Variants in SLC25A21 observed in about 807,000 individuals in gnomAD.
SLC25A21 encodes the protein mitochondrial 2-oxodicarboxylate carrier.
In SLC25A21, 47 loss-of-function variants were observed where a neutral mutation model predicts 43.8. The ratio of observed to expected loss-of-function variants is 1.07; its 90% CI spans 0.85 to 1.37. SLC25A21 has a LOEUF of 1.37. Ranked by LOEUF, SLC25A21 falls within the 40% of genes most tolerant of loss-of-function variation. SLC25A21 has a pLI of 0.00. For missense variants in SLC25A21, 352 were observed against 350.2 expected, an observed-to-expected ratio of 1.00 and a Z score of -0.04; for synonymous variants, 131 against 121.3, an observed-to-expected ratio of 1.08 and a Z score of -0.52.
intron 7 of SLC25A21, among the ~76,000 whole-genome samples, chr14:36,695,288 G>A (rs1227603213): frequency 2.6e-5 from 4 of 152,202 alleles, no homozygotes; most frequent in African/African-American, 9.7e-5. Context: ...TTTGGTACCA[G>A]TACCATGCTG....
At chr14:36,919,798 A>G in intron 1 of SLC25A21, among the ~76,000 whole-genome samples, 1 of 152,014 alleles carries the variant, frequency 6.6e-6, no homozygotes, top group East Asian at 1.9e-4. Flanking sequence ...TTGCAATCAA[A>G]ATGTTTCCTT....
chr14:37,141,119 T>C (rs1040445654), intron 1 of SLC25A21, among the ~76,000 whole-genome samples: 1 of 152,088 alleles, frequency 6.6e-6, no homozygotes, highest in African/African-American at 2.4e-5. Context: ...CACTCCAGCC[T>C]GGGTGACAGA....
At chr14:36,937,420 A>G (rs1366252172) in intron 1 of SLC25A21, among the ~76,000 whole-genome samples, 1 of 152,200 alleles carries the variant, frequency 6.6e-6, no homozygotes, top group African/African-American at 2.4e-5. Context: ...AGTGACTGGA[A>G]CAGCCTTTTT....
intron 1 of SLC25A21, among the ~76,000 whole-genome samples, chr14:36,924,318 C>G (rs965494799): frequency 7.1e-4 from 108 of 152,260 alleles, no homozygotes; most frequent in African/African-American, 2.5e-3. Context: ...AAATGTGGCA[C>G]ATATACACCA....
At position 37,160,387 on chromosome 14, in the gene SLC25A21, TA is replaced by T. The variant is rs371191337; in HGVS notation, c.70+11893del. Among the ~76,000 whole-genome samples, 5 of 152,138 alleles carry T rather than the reference TA, an allele frequency of 3.3e-5. No homozygotes were observed. The South Asian group carries it at 6.2e-4, about 19-fold the overall frequency. ...AGACAATGAAATACTATTTGGCCAT[TA>T]AAAAATACTAAAATCATGTCATTTG... is the stretch of plus-strand genomic sequence containing the variant. On this transcript the variant is annotated intron_variant, in intron 1 of 9. Transcript: ENST00000331299.
chr14:37,096,571 T>C (rs1365425288), intron 1 of SLC25A21, among the ~76,000 whole-genome samples: 2 of 152,148 alleles, frequency 1.3e-5, no homozygotes, highest in East Asian at 1.9e-4. Flanking sequence ...ATTTCTTTTT[T>C]CTCCTCTGTG....
At chr14:37,152,757 C>G (rs564955584) in intron 1 of SLC25A21, among the ~76,000 whole-genome samples, 172 of 151,872 alleles carry the variant, frequency 1.1e-3, no homozygotes, top group Non-Finnish European at 2.2e-3. Context: ...CTGTGTAAAG[C>G]AAAAAACTTA....
intron 3 of SLC25A21, among the ~76,000 whole-genome samples, chr14:36,782,113 G>T (rs1594583045): frequency 6.6e-6 from 1 of 152,146 alleles, no homozygotes; most frequent in East Asian, 1.9e-4. Context: ...TCTAATGAGG[G>T]TTCCCTTGTA....
At chr14:36,965,743 A>C (rs1162926525) in intron 1 of SLC25A21, among the ~76,000 whole-genome samples, 1 of 152,186 alleles carries the variant, frequency 6.6e-6, no homozygotes, top group Non-Finnish European at 1.5e-5. Context: ...ATTCTCATTA[A>C]GTTATGACAA....
intron 6 of SLC25A21, among the ~76,000 whole-genome samples, chr14:36,714,442 C>T (rs1037968963): frequency 6.6e-6 from 1 of 152,186 alleles, no homozygotes; most frequent in African/African-American, 2.4e-5. Flanking sequence ...CACCCAGGAG[C>T]TTTCCTCTCT....
In SLC25A21 at chr14:36,865,192, T is replaced by C. The variant is rs573827015; in HGVS notation, c.119+9764A>G. 1.4e-4 allele frequency among the ~76,000 whole-genome samples: 22 copies of C among 152,178 alleles called. No individual in the cohort carries two copies. The East Asian group carries it at 3.9e-3, about 27-fold the overall frequency. On this transcript the variant is annotated intron_variant, in intron 2 of 9. Coordinates refer to ENST00000331299, the MANE Select transcript of SLC25A21 (RefSeq NM_030631.4). The stretch of plus-strand genomic sequence containing the variant: ...CCTCCCTGCTAGAGGAGGCAGTGGA[T>C]ACTTCACAGACCCTGGCTTCACACT...
At chr14:36,792,611 A>G (rs1452977761) in intron 3 of SLC25A21, among the ~76,000 whole-genome samples, 1 of 152,186 alleles carries the variant, frequency 6.6e-6, no homozygotes, top group Non-Finnish European at 1.5e-5. Context: ...CCATCTAGCT[A>G]ATGACTCCCT....
chr14:37,070,523 T>C (rs1051569694), intron 1 of SLC25A21, among the ~76,000 whole-genome samples: 1 of 152,198 alleles, frequency 6.6e-6, no homozygotes, highest in African/African-American at 2.4e-5. Context: ...TCTTCCTTTG[T>C]CAATAGCCCC....
Position 36,684,922 on chromosome 14 carries a change from G to A in SLC25A21, c.607C>T (p.Pro203Ser). The A allele has an allele frequency of 5.6e-6, 9 of 1,607,188 alleles. No homozygotes were observed. Among genetic ancestry groups the A allele is most frequent in the Non-Finnish European group, 7.6e-6 (9 of 1,178,008 alleles). ...AATTTTCTCCAAAACTCCAAGATTG[G>A]ATCCTAAAAGAAAAGAAGAATAATA... ...VKNMIPVNKD[P>S]ILEFWRKFGI... Residue 203 changes from proline to serine, a missense_variant, in exon 8 of 10, where the codon CCA (proline) becomes TCA (serine). Physicochemically the swap from Pro to Ser is moderately conservative, Grantham distance 74 (BLOSUM62 -1). Transcript: ENST00000331299.
Position 36,906,428 on chromosome 14 carries a change from T to C in SLC25A21, c.71-31424A>G, listed in dbSNP as rs575948836. On this transcript the variant is annotated intron_variant, in intron 1 of 9. Coordinates refer to ENST00000331299, the MANE Select transcript of SLC25A21 (RefSeq NM_030631.4). ...CAGCAAAGTAGCACAGTGCCTATGGTTGTAGATGGCCAAGATGACTCTAAT... is the reference window on the plus strand; with the variant it reads ...CAGCAAAGTAGCACAGTGCCTATGGCTGTAGATGGCCAAGATGACTCTAAT... Among the ~76,000 whole-genome samples, 26 of 151,990 alleles carry C rather than the reference T, an allele frequency of 1.7e-4. No homozygotes were observed. The South Asian group carries it at 2.3e-3, about 13-fold the overall frequency.
At chr14:36,729,476 A>T (rs771295292) in intron 5 of SLC25A21, 31 bp downstream of exon 5, 2 of 1,500,820 alleles carry the variant, frequency 1.3e-6, no homozygotes, top group Non-Finnish European at 1.8e-6. Flanking sequence ...AATAACACAC[A>T]CATTTAAGTA....
chr14:37,060,660 C>T (rs1183395235), intron 1 of SLC25A21, among the ~76,000 whole-genome samples: 1 of 151,792 alleles, frequency 6.6e-6, no homozygotes, highest in Non-Finnish European at 1.5e-5. Flanking sequence ...CCAAATAAAA[C>T]ATAACTGCAA....
chr14:37,056,238 C>G (rs1961822970), intron 1 of SLC25A21, among the ~76,000 whole-genome samples: 1 of 152,130 alleles, frequency 6.6e-6, no homozygotes, highest in Non-Finnish European at 1.5e-5. Flanking sequence ...CGCCTGTAAT[C>G]CCAGCACTTT....
At chr14:36,865,031 C>T (rs1594650910) in intron 2 of SLC25A21, among the ~76,000 whole-genome samples, 1 of 145,374 alleles carries the variant, frequency 6.9e-6, no homozygotes, top group Non-Finnish European at 1.5e-5. Context: ...TTCTTTCTTT[C>T]TTTTTTTTTT....
Sources: gnomAD v4.1 joint callset for allele counts (sites outside exome capture counted in the v4.1 genomes callset) on GRCh38, gnomAD v4.1.1 for gene constraint, MANE v1.5 for transcripts, NCBI Gene and HGNC (gene_info 2026-07-23, HGNC 2026-07-21) for gene names.